The following ATP6V1E1 variants were observed in gnomAD, a reference collection of about 807,000 sequenced individuals.
The protein encoded by ATP6V1E1 is V-type proton ATPase subunit E 1.
A neutral mutation model predicts 35.2 loss-of-function variants in ATP6V1E1; 21 were observed. That is an observed-to-expected ratio of 0.60 (90% CI 0.42 to 0.86). The LOEUF (loss-of-function observed/expected upper bound fraction) is 0.86, where lower values mean the gene tolerates loss of function less well. ATP6V1E1 is among the 40% of genes least tolerant of loss of function. The pLI is 0.00. For synonymous variants in ATP6V1E1, 83 were observed against 87.8 expected, an observed-to-expected ratio of 0.95 and a Z score of 0.30; for missense variants, 183 against 272.6, an observed-to-expected ratio of 0.67 and a Z score of 2.32.
intron 7 of ATP6V1E1, 167 bp downstream of exon 7, chr22:17,598,027 A>C (rs1272361083): frequency 3.3e-6 from 2 of 612,048 alleles, no homozygotes; most frequent in Non-Finnish European, 5.8e-6. Context: ...AGAGCAAGAG[A>C]GCACTGCGAG....
At chr22:17,618,063 G>T (rs1030683246) in intron 2 of ATP6V1E1, among the ~76,000 whole-genome samples, 1 of 152,096 alleles carries the variant, frequency 6.6e-6, no homozygotes, top group African/African-American at 2.4e-5. Flanking sequence ...GCCTGCCTTG[G>T]CCTCCCAAAG....
intron 4 of ATP6V1E1, among the ~76,000 whole-genome samples, chr22:17,607,799 G>A (rs2057793808): frequency 6.6e-6 from 1 of 152,116 alleles, no homozygotes; most frequent in African/African-American, 2.4e-5. Flanking sequence ...AAAAGTCTCT[G>A]GAAATGGGAA....
intron 7 of ATP6V1E1, among the ~76,000 whole-genome samples, chr22:17,595,717 A>C (rs773623415): frequency 2.6e-5 from 4 of 152,068 alleles, no homozygotes; most frequent in Admixed American, 1.3e-4. Flanking sequence ...GCTACTTGAG[A>C]GACTGAGGCA....
chr22:17,609,848 T>C (rs982028514), intron 4 of ATP6V1E1, among the ~76,000 whole-genome samples: 1 of 152,134 alleles, frequency 6.6e-6, no homozygotes, highest in Non-Finnish European at 1.5e-5. Flanking sequence ...AAATGTAAAA[T>C]AACTGTATGA....
chr22:17,626,607 C>A (rs568328598), intron 1 of ATP6V1E1, among the ~76,000 whole-genome samples: 1 of 151,176 alleles, frequency 6.6e-6, no homozygotes, highest in African/African-American at 2.4e-5. Flanking sequence ...TCTCGCCTCA[C>A]CATAACCTCC....
chr22:17,618,681 C>CAAAAAAAAA (rs796136446), intron 2 of ATP6V1E1, among the ~76,000 whole-genome samples: 1 of 72,420 alleles, frequency 1.4e-5, no homozygotes, highest in African/African-American at 4.1e-5. Flanking sequence ...GACTCCATCT[C>CAAAAAAAAA]AAAAAAAAAA....
rs190944685 is a variant in ATP6V1E1 at position 17,610,004 on chromosome 22, G to T, written c.276+2808C>A. Among the ~76,000 whole-genome samples the T allele has an allele frequency of 3.3e-5, 5 of 152,190 alleles. No individual in the cohort carries two copies. The East Asian group carries it at 9.7e-4, about 29-fold the overall frequency. On this transcript the variant is annotated intron_variant, in intron 4 of 8. Transcript: ENST00000253413. The stretch of plus-strand genomic sequence containing the variant: ...TCTGAGGCCAGGCATGGTGGCTCTT[G>T]CCTGTTATCCCAGCTACATAGGAGG...
intron 6 of ATP6V1E1, among the ~76,000 whole-genome samples, chr22:17,599,559 G>A (rs1772320308): frequency 7.7e-6 from 1 of 129,846 alleles, no homozygotes; most frequent in East Asian, 2.4e-4. Flanking sequence ...CCTGGGAAAT[G>A]AGAGCGAAAC....
At chr22:17,606,003 G>A (rs2057785280) in intron 4 of ATP6V1E1, among the ~76,000 whole-genome samples, 1 of 149,796 alleles carries the variant, frequency 6.7e-6, no homozygotes, top group African/African-American at 2.5e-5. Context: ...AAGGAGTAAA[G>A]TGGGGTTTAA....
intron 4 of ATP6V1E1, among the ~76,000 whole-genome samples, chr22:17,608,230 A>C (rs2057796047): frequency 6.6e-6 from 1 of 152,204 alleles, no homozygotes; most frequent in Non-Finnish European, 1.5e-5. Flanking sequence ...GAGTTATGAC[A>C]TGAAAACAGA....
intron 4 of ATP6V1E1, among the ~76,000 whole-genome samples, chr22:17,606,043 T>C (rs1248818115): frequency 1.3e-5 from 2 of 152,028 alleles, no homozygotes; most frequent in Admixed American, 6.6e-5. Context: ...CTGGGAATGG[T>C]AAAAACGGAA....
At chr22:17,625,385 A>G (rs1420637460) in intron 1 of ATP6V1E1, among the ~76,000 whole-genome samples, 2 of 152,042 alleles carry the variant, frequency 1.3e-5, no homozygotes, top group African/African-American at 4.8e-5. Context: ...CAGGCTCCCA[A>G]GTTGCTGAGA....
In ATP6V1E1 at chr22:17,618,861, G is replaced by A. The variant is rs529491204; in HGVS notation, c.99+600C>T. 8.5e-5 allele frequency among the ~76,000 whole-genome samples: 13 copies of A among 152,066 alleles called. No homozygotes were observed. The East Asian group carries it at 2.1e-3, about 25-fold the overall frequency. Reference sequence around the variant, plus strand: ...CTAAAAATACAAAAATTAGACAGGTGTGACGGTGCCTGCCTGTAGTCCCAG... The same window carrying A: ...CTAAAAATACAAAAATTAGACAGGTATGACGGTGCCTGCCTGTAGTCCCAG... On this transcript the variant is annotated intron_variant, in intron 2 of 8. Transcript: ENST00000253413.
At chr22:17,594,073 G>GCA (rs1225534536) in intron 8 of ATP6V1E1, among the ~76,000 whole-genome samples, 2 of 152,200 alleles carry the variant, frequency 1.3e-5, no homozygotes, top group Middle Eastern at 3.4e-3. Context: ...GTGGTGGCAG[G>GCA]TGCCTGTAAT....
intron 5 of ATP6V1E1, 40 bp from the exon 6 acceptor site, chr22:17,600,135 C>T (rs370896304): frequency 6.4e-7 from 1 of 1,567,896 alleles, no homozygotes; most frequent in African/African-American, 1.4e-5. Flanking sequence ...AAAATGCAAA[C>T]TATAAAATAA....
chr22:17,604,170 T>C (rs988265397), intron 4 of ATP6V1E1, among the ~76,000 whole-genome samples: 1 of 151,642 alleles, frequency 6.6e-6, no homozygotes, highest in Non-Finnish European at 1.5e-5. Flanking sequence ...AGGTAAATTA[T>C]GATCAATAAT....
At chr22:17,613,601 A>T (rs1461908661) in intron 2 of ATP6V1E1, among the ~76,000 whole-genome samples, 1 of 149,078 alleles carries the variant, frequency 6.7e-6, no homozygotes, top group African/African-American at 2.4e-5. Flanking sequence ...TCATGAAAAA[A>T]ATTACCACAC....
chr22:17,609,044 G>A (rs1263425560), intron 4 of ATP6V1E1, among the ~76,000 whole-genome samples: 2 of 151,942 alleles, frequency 1.3e-5, no homozygotes, highest in Admixed American at 1.3e-4. Flanking sequence ...CTGATATCGC[G>A]CCACTGCCAC....
At chr22:17,601,529 G>GA (rs201886239) in intron 4 of ATP6V1E1, among the ~76,000 whole-genome samples, 11 of 151,880 alleles carry the variant, frequency 7.2e-5, no homozygotes, top group Admixed American at 1.3e-4. Flanking sequence ...TTTTTTTAAG[G>GA]AAAAAAACCA....
Sources: allele counts gnomAD v4.1 joint callset (sites outside exome capture counted in the v4.1 genomes callset), GRCh38; gene constraint gnomAD v4.1.1; transcripts MANE v1.5; gene names NCBI Gene and HGNC (gene_info 2026-07-23, HGNC 2026-07-21).